The following GLCE variants were observed in gnomAD, a reference collection of about 807,000 sequenced individuals.
GLCE encodes the protein glucuronic acid epimerase.
In GLCE, 19 loss-of-function variants were observed where a neutral mutation model predicts 47.9. That is an observed-to-expected ratio of 0.40 (90% CI 0.28 to 0.58). The LOEUF is 0.58. Among genes scored for constraint, GLCE ranks in the 20% least tolerant of loss-of-function variants. GLCE has a pLI of 0.48. For synonymous variants in GLCE, 245 were observed against 263.4 expected (o/e 0.93, Z 0.68); for missense variants, 556 against 743.3 (o/e 0.75, Z 2.93).
intron 1 of GLCE, among the ~76,000 whole-genome samples, chr15:69,178,426 TA>T (rs1463836274): frequency 6.6e-5 from 10 of 152,156 alleles, no homozygotes; most frequent in Non-Finnish European, 1.2e-4. Flanking sequence ...TCAAGTTCCC[TA>T]ACCTTCCTGT....
chr15:69,162,212 G>A (rs1476372490), intron 1 of GLCE, among the ~76,000 whole-genome samples: 2 of 152,094 alleles, frequency 1.3e-5, no homozygotes. Flanking sequence ...CAGTTTCATT[G>A]TATTGTAAAA....
At chr15:69,176,966 T>C (rs1459717727) in intron 1 of GLCE, among the ~76,000 whole-genome samples, 1 of 151,904 alleles carries the variant, frequency 6.6e-6, no homozygotes, top group Admixed American at 6.5e-5. Context: ...AATTGAACTA[T>C]GACTTTGAAA....
intron 2 of GLCE, among the ~76,000 whole-genome samples, chr15:69,229,214 G>A (rs1266714083): frequency 1.3e-5 from 2 of 152,172 alleles, no homozygotes; most frequent in Non-Finnish European, 1.5e-5. Flanking sequence ...CTAAATTCAT[G>A]TGAACTTAAT....
rs796780662 is a variant in GLCE at position 69,264,152 on chromosome 15, A to G, written c.829+2823A>G. On this transcript the variant is annotated intron_variant, in intron 4 of 4. Coordinates refer to ENST00000261858, the MANE Select transcript of GLCE (RefSeq NM_015554.3). ...CTGAAGTTTGTACCCTTTGATCAACATCTCCCCATTTTTCCCACCCCCCCA... is the reference window on the plus strand; with the variant it reads ...CTGAAGTTTGTACCCTTTGATCAACGTCTCCCCATTTTTCCCACCCCCCCA... 4.0e-4 allele frequency among the ~76,000 whole-genome samples: 61 copies of G among 152,056 alleles called. 1 individual carries two copies. Among genetic ancestry groups the G allele is most frequent in the African/African-American group, 1.4e-3 (58 of 41,488 alleles).
At chr15:69,185,900 G>A (rs1391119275) in intron 1 of GLCE, among the ~76,000 whole-genome samples, 1 of 152,112 alleles carries the variant, frequency 6.6e-6, no homozygotes, top group Non-Finnish European at 1.5e-5. Context: ...TGACCAACTG[G>A]TTTCAAGTTG....
At chr15:69,204,982 A>G (rs2140368047) in intron 1 of GLCE, among the ~76,000 whole-genome samples, 1 of 152,284 alleles carries the variant, frequency 6.6e-6, no homozygotes, top group South Asian at 2.1e-4. Context: ...TTGATTTAAA[A>G]TTCTTTTAAG....
intron 2 of GLCE, among the ~76,000 whole-genome samples, chr15:69,213,949 G>T (rs370411060): frequency 9.9e-5 from 15 of 152,062 alleles, no homozygotes; most frequent in African/African-American, 3.4e-4. Flanking sequence ...TTATTTTGTT[G>T]CTCAAATTGT....
At chr15:69,214,978 A>G (rs1369482957) in intron 2 of GLCE, among the ~76,000 whole-genome samples, 2 of 152,168 alleles carry the variant, frequency 1.3e-5, no homozygotes, top group African/African-American at 2.4e-5. Flanking sequence ...TTTCTTCTGT[A>G]TATCCCCATC....
chr15:69,221,100 C>G (rs1024114692), intron 2 of GLCE, among the ~76,000 whole-genome samples: 1 of 152,188 alleles, frequency 6.6e-6, no homozygotes, highest in Non-Finnish European at 1.5e-5. Flanking sequence ...TCTAGGCCCT[C>G]TAGTGTATTC....
chr15:69,227,206 G>A (rs2052462015), intron 2 of GLCE, among the ~76,000 whole-genome samples: 1 of 152,098 alleles, frequency 6.6e-6, no homozygotes, highest in Non-Finnish European at 1.5e-5. Context: ...AGACATTTTT[G>A]CTAAGTCTCT....
intron 2 of GLCE, among the ~76,000 whole-genome samples, chr15:69,224,464 AT>A (rs777604141): frequency 2.0e-5 from 3 of 152,164 alleles, no homozygotes; most frequent in Non-Finnish European, 4.4e-5. Flanking sequence ...AGGAAGAAAA[AT>A]TGGCTCTGGC....
chr15:69,181,633 A>G (rs953789416), intron 1 of GLCE, among the ~76,000 whole-genome samples: 1 of 152,198 alleles, frequency 6.6e-6, no homozygotes, highest in African/African-American at 2.4e-5. Context: ...TTCTGACAAG[A>G]GCAGGTTTGA....
intron 1 of GLCE, among the ~76,000 whole-genome samples, chr15:69,199,036 G>T (rs974754663): frequency 5.3e-5 from 8 of 152,114 alleles, no homozygotes; most frequent in African/African-American, 1.9e-4. Context: ...CTTTTTCCAA[G>T]CACCCTCATA....
chr15:69,265,725 G>A (rs2053075990), intron 4 of GLCE, among the ~76,000 whole-genome samples: 2 of 152,112 alleles, frequency 1.3e-5, no homozygotes, highest in South Asian at 2.1e-4. Context: ...TGTAATTCTG[G>A]GAGGAAATGG....
chr15:69,203,915 G>C (rs978251076), intron 1 of GLCE, among the ~76,000 whole-genome samples: 1 of 152,080 alleles, frequency 6.6e-6, no homozygotes, highest in Non-Finnish European at 1.5e-5. Context: ...AATGGAAATA[G>C]TTGGCTAAAT....
In GLCE at chr15:69,172,492, G is replaced by A. The variant is rs546953938; in HGVS notation, c.-105+11735G>A. ...CTACATTTATTGGATTTTAAATTAC[G>A]TGCTGGGCACTGGATTAAATGCTTT... On this transcript the variant is annotated intron_variant, in intron 1 of 4. Transcript: ENST00000261858. 2.8e-4 allele frequency among the ~76,000 whole-genome samples: 42 copies of A among 152,232 alleles called. No individual in the cohort carries two copies. The South Asian group carries it at 7.7e-3, about 28-fold the overall frequency.
chr15:69,248,011 G>A (rs1283035841), intron 2 of GLCE, among the ~76,000 whole-genome samples: 1 of 152,024 alleles, frequency 6.6e-6, no homozygotes, highest in East Asian at 1.9e-4. Flanking sequence ...ATATATACCC[G>A]CTACTCAGTT....
intron 1 of GLCE, among the ~76,000 whole-genome samples, chr15:69,203,956 T>C (rs547154536): frequency 6.6e-6 from 1 of 152,116 alleles, no homozygotes; most frequent in Non-Finnish European, 1.5e-5. Context: ...CTAAGGTACA[T>C]GTAGGAACCA....
At position 69,161,576 on chromosome 15, in the gene GLCE, G is replaced by C. The variant is rs934789815; in HGVS notation, c.-105+819G>C. Among the ~76,000 whole-genome samples the C allele has an allele frequency of 2.6e-5, 4 of 152,206 alleles. No individual in the cohort carries two copies. The East Asian group carries it at 5.8e-4, about 22-fold the overall frequency. On this transcript the variant is annotated intron_variant, in intron 1 of 4. Coordinates refer to ENST00000261858, the MANE Select transcript of GLCE (RefSeq NM_015554.3). ...CGCAGGCGCTGGGTCCGCTGAGGGC[G>C]GGAGAGGGCTTTGGTGCTACCGCGC...
Sources: allele counts gnomAD v4.1 joint callset (sites outside exome capture counted in the v4.1 genomes callset), GRCh38; gene constraint gnomAD v4.1.1; transcripts MANE v1.5; gene names NCBI Gene and HGNC (gene_info 2026-07-23, HGNC 2026-07-21).